The following PDZD2 variants were observed in gnomAD, a reference collection of about 807,000 sequenced individuals.
PDZD2 encodes the protein PDZ domain containing 2, also known as PDZ domain-containing protein 2.
Under a neutral mutation model 220.7 loss-of-function variants are expected in PDZD2, and 90 were observed. The observed-to-expected ratio is 0.41, with a 90% CI of 0.34 to 0.49. PDZD2 has a LOEUF of 0.49. Ranked by LOEUF, PDZD2 falls within the 20% of genes least tolerant of loss-of-function variation. The probability of loss-of-function intolerance (pLI) is 0.28; values close to 1 mark genes in which losing one functional copy is unlikely to be tolerated. For missense variants in PDZD2, 3,174 were observed against 3,608.5 expected (o/e 0.88, Z 3.08); for synonymous variants, 1,375 against 1,450.5 (o/e 0.95, Z 1.18).
At chr5:31,972,279 A>G (rs544992694) in intron 2 of PDZD2, among the ~76,000 whole-genome samples, 1 of 152,116 alleles carries the variant, frequency 6.6e-6, no homozygotes, top group African/African-American at 2.4e-5. Flanking sequence ...GCACCTGCCT[A>G]ATTTTTGTAT....
At chr5:31,735,312 A>G (rs1749792725) in intron 1 of PDZD2, among the ~76,000 whole-genome samples, 1 of 152,150 alleles carries the variant, frequency 6.6e-6, no homozygotes, top group South Asian at 2.1e-4. Context: ...TGGTGGGGGC[A>G]CTTCGTGCTG....
rs552673041 is a variant in PDZD2 at position 31,779,794 on chromosome 5, C to T, written c.-360-19095C>T. 5.3e-5 allele frequency among the ~76,000 whole-genome samples: 8 copies of T among 152,176 alleles called. No homozygotes were observed. In the East Asian group the frequency reaches 1.4e-3, roughly 26 times the overall value. ...GTAAATATTTAGGGAATGAATTGGC[C>T]TCAGTTTGGTATGCCTGTTCTCATC... On this transcript the variant is annotated intron_variant, in intron 1 of 24. Coordinates refer to ENST00000438447, the MANE Select transcript of PDZD2 (RefSeq NM_178140.4).
intron 19 of PDZD2, among the ~76,000 whole-genome samples, chr5:32,085,981 C>T (rs1231859490): frequency 6.6e-6 from 1 of 151,946 alleles, no homozygotes; most frequent in East Asian, 1.9e-4. Flanking sequence ...CCTTACCTTC[C>T]TCCTCCTCAC....
intron 14 of PDZD2, among the ~76,000 whole-genome samples, chr5:32,069,245 A>G (rs1435789507): frequency 6.8e-6 from 1 of 147,140 alleles, no homozygotes; most frequent in Non-Finnish European, 1.5e-5. Context: ...CAGCTTGGGT[A>G]ACAGAGAGAC....
chr5:31,815,482 C>G (rs115211439), intron 2 of PDZD2, among the ~76,000 whole-genome samples: 8 of 152,276 alleles, frequency 5.3e-5, no homozygotes, highest in Middle Eastern at 3.4e-3. Context: ...TGCCTGCTGT[C>G]TGTCATGTGA....
At chr5:31,817,821 G>A (rs1561482808) in intron 2 of PDZD2, among the ~76,000 whole-genome samples, 4 of 151,826 alleles carry the variant, frequency 2.6e-5, no homozygotes, top group Non-Finnish European at 4.4e-5. Context: ...ACACCACCAA[G>A]TCTGGCTAAT....
intron 1 of PDZD2, among the ~76,000 whole-genome samples, chr5:31,703,083 A>G (rs1212663342): frequency 7.2e-5 from 11 of 152,236 alleles, no homozygotes; most frequent in Non-Finnish European, 1.5e-5. Context: ...CATACATAGA[A>G]GAGCACTGGG....
intron 3 of PDZD2, among the ~76,000 whole-genome samples, chr5:31,991,286 G>A (rs561223691): frequency 1.3e-5 from 2 of 152,184 alleles, no homozygotes; most frequent in Non-Finnish European, 2.9e-5. Flanking sequence ...GGAGGCTATT[G>A]TGGTCACCCA....
intron 2 of PDZD2, among the ~76,000 whole-genome samples, chr5:31,891,134 T>A (rs1181664881): frequency 0.3 from 37,971 of 125,068 alleles, 6,300 homozygotes; most frequent in Non-Finnish European, 0.39. Flanking sequence ...TTCCTTTTTT[T>A]TTTTTTTTTT....
intron 8 of PDZD2, among the ~76,000 whole-genome samples, chr5:32,050,074 G>A (rs995623535): frequency 2.0e-5 from 3 of 152,158 alleles, no homozygotes; most frequent in Non-Finnish European, 4.4e-5. Context: ...GGGATTACAG[G>A]TGTGTGCCAC....
intron 1 of PDZD2, among the ~76,000 whole-genome samples, chr5:31,793,577 C>T (rs893185742): frequency 6.6e-6 from 1 of 152,116 alleles, no homozygotes; most frequent in African/African-American, 2.4e-5. Context: ...GAGGCTGAGG[C>T]GGGCGAATCA....
At chr5:31,733,527 T>C (rs1749660291) in intron 1 of PDZD2, among the ~76,000 whole-genome samples, 1 of 152,156 alleles carries the variant, frequency 6.6e-6, no homozygotes, top group South Asian at 2.1e-4. Context: ...GATAGGCACA[T>C]GATCCAAGTC....
chr5:32,038,402 T>C (rs1220743159), intron 7 of PDZD2, among the ~76,000 whole-genome samples: 1 of 151,660 alleles, frequency 6.6e-6, no homozygotes, highest in Non-Finnish European at 1.5e-5. Context: ...CTGGGTGTGG[T>C]GGCGTACACC....
At chr5:31,787,400 C>T (rs909789865) in intron 1 of PDZD2, among the ~76,000 whole-genome samples, 4 of 152,178 alleles carry the variant, frequency 2.6e-5, no homozygotes, top group African/African-American at 9.7e-5. Flanking sequence ...CAGTTGAAGC[C>T]ACAGCAAATA....
intron 2 of PDZD2, among the ~76,000 whole-genome samples, chr5:31,869,014 C>G (rs1272832103): frequency 6.6e-6 from 1 of 152,184 alleles, no homozygotes; most frequent in Non-Finnish European, 1.5e-5. Flanking sequence ...CTCAAATGAT[C>G]TGCCTGCTTC....
chr5:31,986,365 A>G (rs962098115), intron 3 of PDZD2, among the ~76,000 whole-genome samples: 1 of 152,204 alleles, frequency 6.6e-6, no homozygotes, highest in African/African-American at 2.4e-5. Context: ...TTGGTAAATC[A>G]GAATGGACCA....
chr5:31,932,778 C>T (rs1224617895), intron 2 of PDZD2, among the ~76,000 whole-genome samples: 1 of 152,178 alleles, frequency 6.6e-6, no homozygotes, highest in Non-Finnish European at 1.5e-5. Flanking sequence ...CCTCCTCTCC[C>T]CAGCCCCTGG....
At chr5:31,927,299 G>A (rs1201837246) in intron 2 of PDZD2, among the ~76,000 whole-genome samples, 2 of 152,108 alleles carry the variant, frequency 1.3e-5, no homozygotes, top group Non-Finnish European at 2.9e-5. Flanking sequence ...GTGAGGGCAG[G>A]GCTGGTCCAG....
intron 2 of PDZD2, among the ~76,000 whole-genome samples, chr5:31,948,932 T>G (rs1028438864): frequency 6.6e-6 from 1 of 151,518 alleles, no homozygotes; most frequent in Non-Finnish European, 1.5e-5. Context: ...AACCCTATCT[T>G]TACTAAAAAT....
Sources: allele counts gnomAD v4.1 joint callset (sites outside exome capture counted in the v4.1 genomes callset), GRCh38; gene constraint gnomAD v4.1.1; transcripts MANE v1.5; gene names NCBI Gene and HGNC (gene_info 2026-07-23, HGNC 2026-07-21).